RIMS2: variants seen among roughly 807,000 people sequenced by gnomAD.
RIMS2 encodes regulating synaptic membrane exocytosis protein 2.
RIMS2 carries 59 observed loss-of-function variants against 174.4 expected under a neutral mutation model. That is an observed-to-expected ratio of 0.34 (90% confidence interval 0.27 to 0.42). RIMS2 has a LOEUF of 0.42. RIMS2 is among the 10% of genes least tolerant of loss of function. The pLI is 1.00. For synonymous variants in RIMS2, 606 were observed against 572.5 expected, an observed-to-expected ratio of 1.06 and a Z score of -0.84; for missense variants, 1,620 against 1,666.3, an observed-to-expected ratio of 0.97 and a Z score of 0.48.
intron 1 of RIMS2, among the ~76,000 whole-genome samples, chr8:103,582,035 T>C (rs1163605844): frequency 1.3e-5 from 2 of 152,048 alleles, no homozygotes; most frequent in African/African-American, 4.8e-5. Flanking sequence ...TTTCTTCCAA[T>C]TGAGGAGAGG....
At chr8:104,252,110 T>G (rs1281868142), downstream of RIMS2, 1 of 437,132 alleles carries the variant, frequency 2.3e-6, no homozygotes. Flanking sequence ...ATCAGTCAGT[T>G]TCATGCAACA....
At chr8:104,229,639 G>C (rs1005868443) in intron 19 of RIMS2, among the ~76,000 whole-genome samples, 1 of 151,782 alleles carries the variant, frequency 6.6e-6, no homozygotes, top group East Asian at 1.9e-4. Context: ...TTTCTTTCTC[G>C]GCAGCTAGCT....
intron 1 of RIMS2, among the ~76,000 whole-genome samples, chr8:103,681,537 A>T (rs927501179): frequency 6.6e-6 from 1 of 152,024 alleles, no homozygotes; most frequent in Non-Finnish European, 1.5e-5. Flanking sequence ...AAAGAGAATT[A>T]AAAAAAGTGT....
chr8:103,751,888 T>G (rs2097897673), intron 2 of RIMS2, among the ~76,000 whole-genome samples: 1 of 151,950 alleles, frequency 6.6e-6, no homozygotes, highest in South Asian at 2.1e-4. Flanking sequence ...TTTCTCCCAT[T>G]TTGTAGGTTG....
At chr8:103,575,877 A>G (rs1463545409) in intron 1 of RIMS2, among the ~76,000 whole-genome samples, 1 of 151,974 alleles carries the variant, frequency 6.6e-6, no homozygotes, top group Non-Finnish European at 1.5e-5. Flanking sequence ...TTTCCCCAAA[A>G]CTACAGTTTC....
intron 3 of RIMS2, among the ~76,000 whole-genome samples, chr8:103,772,873 G>T (rs1214526159): frequency 6.6e-6 from 1 of 152,086 alleles, no homozygotes; most frequent in Middle Eastern, 3.2e-3. Context: ...TTCAACAAAT[G>T]GTGCTGGAAT....
At chr8:103,607,637 C>T (rs1384115679) in intron 1 of RIMS2, among the ~76,000 whole-genome samples, 1 of 142,130 alleles carries the variant, frequency 7.0e-6, no homozygotes, top group African/African-American at 2.7e-5. Flanking sequence ...TTCAGGTACA[C>T]CAATCAGACG....
chr8:103,726,180 A>T (rs1030283331), intron 2 of RIMS2, among the ~76,000 whole-genome samples: 2 of 152,212 alleles, frequency 1.3e-5, no homozygotes, highest in Admixed American at 1.3e-4. Flanking sequence ...AGTTACATCT[A>T]AATAAACCCA....
chr8:103,535,096 G>A (rs535802404), intron 1 of RIMS2, among the ~76,000 whole-genome samples: 1 of 152,168 alleles, frequency 6.6e-6, no homozygotes, highest in South Asian at 2.1e-4. Context: ...TGTTATTTAC[G>A]ACTTTAGAAT....
intron 1 of RIMS2, among the ~76,000 whole-genome samples, chr8:103,668,400 C>G (rs1468832032): frequency 6.6e-6 from 1 of 152,188 alleles, no homozygotes; most frequent in Non-Finnish European, 1.5e-5. Context: ...GATTAACCTT[C>G]TTGTATGAGA....
intron 3 of RIMS2, among the ~76,000 whole-genome samples, chr8:103,878,424 T>C (rs1347427605): frequency 6.6e-6 from 1 of 151,930 alleles, no homozygotes; most frequent in Non-Finnish European, 1.5e-5. Flanking sequence ...TGGAACCTAC[T>C]TGATTGTGGT....
chr8:103,694,262 T>A (rs1398305419), intron 1 of RIMS2, among the ~76,000 whole-genome samples: 1 of 152,160 alleles, frequency 6.6e-6, no homozygotes, highest in Non-Finnish European at 1.5e-5. Context: ...GGCTGATGCT[T>A]GCAGTAGTAC....
At chr8:103,863,004 GA>G (rs1327671118) in intron 3 of RIMS2, among the ~76,000 whole-genome samples, 2 of 152,036 alleles carry the variant, frequency 1.3e-5, no homozygotes, top group African/African-American at 4.8e-5. Context: ...GTACTGTATT[GA>G]ATATAAATGG....
At chr8:103,633,192 A>AT (rs150376641) in intron 1 of RIMS2, among the ~76,000 whole-genome samples, 5,029 of 134,854 alleles carry the variant, frequency 0.037, 321 homozygotes, top group African/African-American at 0.13. Flanking sequence ...ACGCCCGGCT[A>AT]TTTTTTTTTT....
At chr8:103,892,590 C>A (rs1056357234) in intron 4 of RIMS2, among the ~76,000 whole-genome samples, 2 of 151,978 alleles carry the variant, frequency 1.3e-5, no homozygotes, top group Non-Finnish European at 2.9e-5. Context: ...CTCCACCTAT[C>A]GGTAAAATAA....
intron 10 of RIMS2, among the ~76,000 whole-genome samples, chr8:103,924,469 A>G (rs1407332500): frequency 2.0e-5 from 3 of 151,646 alleles, no homozygotes; most frequent in Admixed American, 2.0e-4. Flanking sequence ...TGCTCTAATG[A>G]TGTAGAGGTT....
intron 15 of RIMS2, among the ~76,000 whole-genome samples, chr8:103,962,550 C>CT (rs1291627287): frequency 6.6e-6 from 1 of 152,146 alleles, no homozygotes; most frequent in African/African-American, 2.4e-5. Context: ...TATTTTGCTA[C>CT]TTTGAAATCC....
chr8:103,928,159 T>A (rs540141474), intron 11 of RIMS2, among the ~76,000 whole-genome samples: 18 of 151,716 alleles, frequency 1.2e-4, no homozygotes, highest in Non-Finnish European at 2.2e-4. Flanking sequence ...TTAATGTAGA[T>A]TTAATGTAGA....
At chr8:103,569,285 A>G (rs183595850) in intron 1 of RIMS2, among the ~76,000 whole-genome samples, 2 of 152,236 alleles carry the variant, frequency 1.3e-5, no homozygotes, top group African/African-American at 4.8e-5. Flanking sequence ...TTTGTTGTAA[A>G]TACTATTCTT....
Sources: allele counts gnomAD v4.1 joint callset (sites outside exome capture counted in the v4.1 genomes callset), GRCh38; gene constraint gnomAD v4.1.1; transcripts MANE v1.5; gene names NCBI Gene and HGNC (gene_info 2026-07-23, HGNC 2026-07-21).